Variants in PLGRKT observed in about 807,000 individuals in gnomAD.
The protein encoded by PLGRKT is plasminogen receptor with a C-terminal lysine, also known as plasminogen receptor (KT).
Under a neutral mutation model 18.5 loss-of-function variants are expected in PLGRKT, and 22 were observed. The observed-to-expected ratio is 1.19, with a 90% CI of 0.85 to 1.70. PLGRKT has a LOEUF of 1.70. Among genes scored for constraint, PLGRKT ranks in the 40% most tolerant of loss-of-function variants. The pLI, the probability that PLGRKT is intolerant of heterozygous loss-of-function variation, is 0.00. For missense variants in PLGRKT, 235 were observed against 174.4 expected (o/e 1.35, Z -1.96); for synonymous variants, 72 against 52.8 (o/e 1.36, Z -1.58).
chr9:5,402,382 G>A (rs1818171141), intron 3 of PLGRKT, among the ~76,000 whole-genome samples: 1 of 151,820 alleles, frequency 6.6e-6, no homozygotes, highest in South Asian at 2.1e-4. Flanking sequence ...AAGGGGAAGG[G>A]GAAGGAAACA....
rs140981796 is a variant in PLGRKT at position 5,395,237 on chromosome 9, T to C, written c.82-33349A>G. On this transcript the variant is annotated intron_variant, in intron 3 of 5. Coordinates refer to ENST00000223864, the MANE Select transcript of PLGRKT (RefSeq NM_018465.4). ...AGTGGTAGTTAAGTTCATGCACAAA[T>C]ACATTAAGCTGACAAACTTTTATTA... Among the ~76,000 whole-genome samples the C allele has an allele frequency of 2.0e-3, 305 of 152,036 alleles. 5 individuals carry two copies. The highest frequency in any genetic ancestry group is 6.2e-3 in the African/African-American group (257 of 41,320).
intron 3 of PLGRKT, among the ~76,000 whole-genome samples, chr9:5,420,094 G>A (rs1252521311): frequency 6.6e-6 from 1 of 152,200 alleles, no homozygotes; most frequent in African/African-American, 2.4e-5. Context: ...TCTTAGAAAG[G>A]TTATGTTAAT....
intron 3 of PLGRKT, among the ~76,000 whole-genome samples, chr9:5,383,619 T>TA (rs1817786181): frequency 6.6e-6 from 1 of 152,212 alleles, no homozygotes; most frequent in African/African-American, 2.4e-5. Flanking sequence ...CGGTCCCATC[T>TA]AGGGGTGATG....
Position 5,361,108 on chromosome 9 carries a change from C to G in PLGRKT, c.292G>C (p.Gly98Arg). Residue 98 changes from glycine to arginine, a missense_variant, in exon 5 of 6, where the codon GGC becomes CGC. Transcript: ENST00000223864. ...ATTCTTTCTAAAAGGGTTCCATAGC[C>G]CAAGTCATACTGGTAGGTGAGGATA... ...SFILTYQYDL[G>R]YGTLLERMKG... 6.2e-7 allele frequency: 1 copy of G among 1,601,074 alleles called. No homozygotes were observed. The highest frequency in any genetic ancestry group is 1.3e-5 in the African/African-American group (1 of 74,646).
intron 1 of PLGRKT, among the ~76,000 whole-genome samples, chr9:5,437,470 T>G (rs1356541121): frequency 6.6e-6 from 1 of 152,236 alleles, no homozygotes; most frequent in Non-Finnish European, 1.5e-5. Flanking sequence ...CCTTGCTCCC[T>G]GAGGCCAGTT....
intron 2 of PLGRKT, among the ~76,000 whole-genome samples, chr9:5,434,244 C>A (rs1316746857): frequency 1.4e-5 from 2 of 142,496 alleles, no homozygotes; most frequent in Non-Finnish European, 1.5e-5. Flanking sequence ...AAGTGAGGGG[C>A]GCCTCTGCCC....
In PLGRKT at chr9:5,358,162, G is replaced by T; in HGVS notation, c.*77C>A. On this transcript the variant is annotated 3_prime_UTR_variant, in exon 6 of 6. Transcript: ENST00000223864. ...ATAAAATCTATAATATCAAAATCTT[G>T]AGCATTTAAAAAACTGTAAAAACCA... 1.0e-6 allele frequency: 1 copy of T among 977,544 alleles called. No homozygotes were observed. The highest frequency in any genetic ancestry group is 1.8e-5 in the South Asian group (1 of 55,766). The allele number at this position is 977,544 out of a possible 1,614,324, so 60.6% of individuals were successfully genotyped here.
At chr9:5,391,054 C>A (rs1188312912) in intron 3 of PLGRKT, among the ~76,000 whole-genome samples, 1 of 151,836 alleles carries the variant, frequency 6.6e-6, no homozygotes, top group East Asian at 1.9e-4. Flanking sequence ...TTAAAAGATA[C>A]CTAGCACATC....
intron 3 of PLGRKT, among the ~76,000 whole-genome samples, chr9:5,407,510 G>A (rs551612061): frequency 1.3e-5 from 2 of 152,156 alleles, no homozygotes; most frequent in Non-Finnish European, 2.9e-5. Context: ...ACTAGCACAG[G>A]GCCTGGCATA....
At chr9:5,382,053 C>G in intron 3 of PLGRKT, 1 of 971,362 alleles carries the variant, frequency 1.0e-6, no homozygotes, top group Non-Finnish European at 1.2e-6. Flanking sequence ...GTCATATTAG[C>G]CTCACAACTT....
rs142216035 is a variant in PLGRKT at position 5,400,396 on chromosome 9, C to T, written c.81+31501G>A. ...CATGTAAAATGATTTAAAAATCAGACCAAGTGTAAAATAAATTCCAATTCC... is the reference window on the plus strand; with the variant it reads ...CATGTAAAATGATTTAAAAATCAGATCAAGTGTAAAATAAATTCCAATTCC... On this transcript the variant is annotated intron_variant, in intron 3 of 5. Coordinates refer to ENST00000223864, the MANE Select transcript of PLGRKT (RefSeq NM_018465.4). Among the ~76,000 whole-genome samples the T allele has an allele frequency of 3.1e-3, 473 of 151,886 alleles. 10 individuals are homozygous for T. The highest frequency in any genetic ancestry group is 0.011 in the African/African-American group (441 of 41,270).
chr9:5,404,091 C>A (rs577809157), intron 3 of PLGRKT, among the ~76,000 whole-genome samples: 2 of 152,138 alleles, frequency 1.3e-5, no homozygotes, highest in Admixed American at 6.5e-5. Context: ...AGAAGTTGAA[C>A]CCCTGAATAG....
intron 3 of PLGRKT, among the ~76,000 whole-genome samples, chr9:5,362,510 TACTC>T (rs1249756131): frequency 6.6e-6 from 1 of 152,180 alleles, no homozygotes; most frequent in African/African-American, 2.4e-5. Context: ...TTTTAGAAAA[TACTC>T]AGGAGAAGCA....
At chr9:5,404,706 G>A (rs1400783851) in intron 3 of PLGRKT, among the ~76,000 whole-genome samples, 1 of 152,136 alleles carries the variant, frequency 6.6e-6, no homozygotes, top group Non-Finnish European at 1.5e-5. Context: ...CATTCCCCTT[G>A]AAAACCAGCA....
At position 5,418,784 on chromosome 9, in the gene PLGRKT, C is replaced by T. The variant is rs3780390; in HGVS notation, c.81+13113G>A. Reference sequence around the variant, plus strand: ...TCGGGGTCGTCGAGGAGCTGCGACACGGAGAAGTCAGGGGGCAGCTTGGTG... The same window carrying T: ...TCGGGGTCGTCGAGGAGCTGCGACATGGAGAAGTCAGGGGGCAGCTTGGTG... On this transcript the variant is annotated intron_variant, in intron 3 of 5. Transcript: ENST00000223864. This position sits in a 1 kb window ranked among gnomAD's most constrained non-coding sequence, Gnocchi z 4.2. 633 of 806,016 alleles carry T rather than the reference C, an allele frequency of 7.9e-4. 7 individuals carry two copies. The highest frequency in any genetic ancestry group is 6.5e-3 in the East Asian group (246 of 38,062). 49.9% of individuals were successfully genotyped at this position (806,016 alleles called of 1,614,324 possible).
chr9:5,407,213 A>G (rs907327782), intron 3 of PLGRKT, among the ~76,000 whole-genome samples: 1 of 152,242 alleles, frequency 6.6e-6, no homozygotes, highest in Non-Finnish European at 1.5e-5. Flanking sequence ...TTCAGATGCT[A>G]AATGACAAAA....
chr9:5,403,882 C>T (rs1586729252), intron 3 of PLGRKT, among the ~76,000 whole-genome samples: 1 of 152,138 alleles, frequency 6.6e-6, no homozygotes, highest in East Asian at 1.9e-4. Context: ...CCTTATCCTA[C>T]AAGACTAATA....
intron 3 of PLGRKT, among the ~76,000 whole-genome samples, chr9:5,385,053 G>A (rs1383606348): frequency 6.6e-6 from 1 of 152,154 alleles, no homozygotes; most frequent in Non-Finnish European, 1.5e-5. Flanking sequence ...GGTGGGGCCA[G>A]GGGAGGGCAG....
intron 3 of PLGRKT, among the ~76,000 whole-genome samples, chr9:5,424,521 A>ACATAT (rs1554634132): frequency 7.9e-6 from 1 of 126,892 alleles, no homozygotes; most frequent in Non-Finnish European, 1.6e-5. Flanking sequence ...TAACATATAA[A>ACATAT]TATATATTAT....
Sources: gnomAD v4.1 joint callset for allele counts (sites outside exome capture counted in the v4.1 genomes callset) on GRCh38, gnomAD v4.1.1 for gene constraint, Gnocchi (gnomAD v3.1) non-coding constraint, MANE v1.5 for transcripts, NCBI Gene and HGNC (gene_info 2026-07-23, HGNC 2026-07-21) for gene names.